The following GPHN variants were observed in gnomAD, a reference collection of about 807,000 sequenced individuals.
GPHN encodes gephyrin.
In GPHN, 17 loss-of-function variants were observed where a neutral mutation model predicts 95.5. The ratio of observed to expected loss-of-function variants is 0.18; its 90% CI spans 0.12 to 0.27. The LOEUF is 0.27. GPHN is among the 10% of genes least tolerant of loss of function. The pLI is 1.00. For synonymous variants in GPHN, 320 were observed against 322.5 expected, an observed-to-expected ratio of 0.99 and a Z score of 0.08; for missense variants, 660 against 978.1, an observed-to-expected ratio of 0.67 and a Z score of 4.34.
intron 3 of GPHN, among the ~76,000 whole-genome samples, chr14:66,814,710 A>C (rs1447027387): frequency 2.0e-5 from 3 of 152,226 alleles, no homozygotes; most frequent in Non-Finnish European, 4.4e-5. Context: ...AAAGATGAGA[A>C]AGAATCAGTG....
chr14:66,930,661 G>A (rs1223352126), intron 8 of GPHN, among the ~76,000 whole-genome samples: 2 of 151,760 alleles, frequency 1.3e-5, no homozygotes, highest in African/African-American at 4.8e-5. Context: ...AAGTAGCTGG[G>A]ACTACAGGCA....
the GPHN span, among the ~76,000 whole-genome samples, chr14:67,529,770 C>G: frequency 4.5e-3 from 684 of 152,298 alleles, 21 homozygotes; most frequent in East Asian, 0.065. Context: ...CCCAAAGATT[C>G]AGCAGTAGAA....
In GPHN at chr14:66,966,979, G is replaced by A. The variant is rs547188008; in HGVS notation, c.963+1654G>A. Among the ~76,000 whole-genome samples the A allele has an allele frequency of 2.8e-4, 43 of 151,828 alleles. 1 individual carries two copies. Among genetic ancestry groups the A allele is most frequent in the South Asian group, 8.3e-4 (4 of 4,816 alleles). On this transcript the variant is annotated intron_variant, in intron 9 of 22. Coordinates refer to ENST00000478722, the MANE Select transcript of GPHN (RefSeq NM_020806.5). ...CTGAAAAATAATAATGTTAATATTC[G>A]TCAAATTAATTTGCTTATTGCAGAA...
intron 1 of GPHN, among the ~76,000 whole-genome samples, chr14:66,541,500 C>G (rs868082367): frequency 1.3e-5 from 2 of 152,028 alleles, no homozygotes; most frequent in Middle Eastern, 3.2e-3. Context: ...ACAAAAATAC[C>G]TATGAAGAAG....
the GPHN span, among the ~76,000 whole-genome samples, chr14:67,687,725 C>T: frequency 6.6e-6 from 1 of 151,826 alleles, no homozygotes; most frequent in East Asian, 1.9e-4. Flanking sequence ...CCCACCTCAG[C>T]CTCCCAAATT....
intron 5 of GPHN, among the ~76,000 whole-genome samples, chr14:66,886,144 C>A (rs553528397): frequency 2.6e-4 from 40 of 151,994 alleles, no homozygotes; most frequent in Non-Finnish European, 5.3e-4. Context: ...ATTTTAAAAA[C>A]ATAAAAAAAG....
At chr14:67,106,617 T>C (rs1191058073) in intron 13 of GPHN, among the ~76,000 whole-genome samples, 2 of 152,190 alleles carry the variant, frequency 1.3e-5, no homozygotes, top group Admixed American at 1.3e-4. Flanking sequence ...ATTTTTTATT[T>C]CATTTTTTGA....
intron 19 of GPHN, among the ~76,000 whole-genome samples, chr14:67,162,815 C>A (rs1042383588): frequency 4.6e-5 from 7 of 152,180 alleles, no homozygotes; most frequent in African/African-American, 1.7e-4. Flanking sequence ...AGATCTTTAT[C>A]CACATATCAG....
At chr14:66,866,624 G>T (rs1460180875) in intron 4 of GPHN, among the ~76,000 whole-genome samples, 1 of 152,044 alleles carries the variant, frequency 6.6e-6, no homozygotes, top group Non-Finnish European at 1.5e-5. Flanking sequence ...CTTGAACAGG[G>T]GTTGGGATCT....
At chr14:67,199,898 C>CT in the GPHN span, 1 of 1,481,478 alleles carries the variant, frequency 6.8e-7, no homozygotes, top group East Asian at 2.3e-5. Flanking sequence ...TCGGCAGGAA[C>CT]CCCAGGGGCA....
the GPHN span, among the ~76,000 whole-genome samples, chr14:67,553,654 A>AC: frequency 1.6e-4 from 25 of 151,874 alleles, no homozygotes; most frequent in Non-Finnish European, 3.4e-4. Context: ...GTATCAACCA[A>AC]CCCCCCACCA....
intron 4 of GPHN, among the ~76,000 whole-genome samples, chr14:66,829,603 A>G (rs1433638447): frequency 6.6e-6 from 1 of 152,192 alleles, no homozygotes. Flanking sequence ...GAAAATGTTA[A>G]ACTGTTAAAT....
chr14:66,806,020 C>A (rs1448340954), intron 3 of GPHN, among the ~76,000 whole-genome samples: 2 of 152,228 alleles, frequency 1.3e-5, no homozygotes, highest in Non-Finnish European at 2.9e-5. Flanking sequence ...GGTCCCCACC[C>A]CTACGGCAAA....
chr14:67,279,506 A>G, the GPHN span: 10 of 1,563,040 alleles, frequency 6.4e-6, no homozygotes, highest in South Asian at 9.7e-5. Context: ...GAATTGTCTT[A>G]GAAAGTCCTC....
At chr14:66,949,285 A>G (rs2067950145) in intron 8 of GPHN, among the ~76,000 whole-genome samples, 1 of 152,112 alleles carries the variant, frequency 6.6e-6, no homozygotes, top group South Asian at 2.1e-4. Context: ...GGGTCTCACC[A>G]TGTTAGCCAG....
At chr14:67,691,480 T>C in the GPHN span, 2 of 431,000 alleles carry the variant, frequency 4.6e-6, no homozygotes, top group Non-Finnish European at 8.4e-6. Context: ...CAGATCCTTG[T>C]AGTTCAGGAG....
the GPHN span, among the ~76,000 whole-genome samples, chr14:67,214,553 A>G: frequency 9.2e-5 from 14 of 152,074 alleles, no homozygotes; most frequent in South Asian, 2.1e-3. Flanking sequence ...GTACCATGCT[A>G]TTTTGGTTAC....
intron 2 of GPHN, among the ~76,000 whole-genome samples, chr14:66,722,637 T>G (rs892857352): frequency 1.3e-5 from 2 of 151,938 alleles, no homozygotes; most frequent in African/African-American, 4.8e-5. Flanking sequence ...GGAGATGGGG[T>G]CTCACTGTGT....
chr14:67,602,614 G>A, the GPHN span, among the ~76,000 whole-genome samples: 1,110 of 152,232 alleles, frequency 7.3e-3, 16 homozygotes, highest in African/African-American at 0.025. Flanking sequence ...GGGCTCCACG[G>A]ATAGAATCAG....
Sources: allele counts gnomAD v4.1 joint callset (sites outside exome capture counted in the v4.1 genomes callset), GRCh38; gene constraint gnomAD v4.1.1; transcripts MANE v1.5; gene names NCBI Gene and HGNC (gene_info 2026-07-23, HGNC 2026-07-21).